ERCC5: variants seen among roughly 807,000 people sequenced by gnomAD.
ERCC5 encodes the protein DNA excision repair protein ERCC-5.
In ERCC5, 68 loss-of-function variants were observed where a neutral mutation model predicts 105.6. The observed-to-expected ratio is 0.64, with a 90% CI of 0.53 to 0.79. The LOEUF is 0.79. Among genes scored for constraint, ERCC5 ranks in the 30% least tolerant of loss-of-function variants. The pLI, the probability that ERCC5 is intolerant of heterozygous loss-of-function variation, is 0.00. For missense variants in ERCC5, 1,373 were observed against 1,426.7 expected, an observed-to-expected ratio of 0.96 and a Z score of 0.61; for synonymous variants, 546 against 526.2, an observed-to-expected ratio of 1.04 and a Z score of -0.51.
rs893791529 is a variant in ERCC5, at chr13:102,850,966, C to T, written c.89-1152C>T. On this transcript the variant is annotated intron_variant, in intron 1 of 14. Transcript: ENST00000652225. ...TCTGAGAGCAGGAAAACCAGCAGAG[C>T]GCGGTGTCACTCTTTCTTTTGGACA... Among the ~76,000 whole-genome samples the T allele has an allele frequency of 8.5e-5, 13 of 152,088 alleles. No homozygotes were observed. In the East Asian group the frequency reaches 1.2e-3, roughly 14 times the overall value.
At chr13:102,851,971 C>G in intron 1 of ERCC5, 147 bp from the exon 2 acceptor site, 2 of 882,078 alleles carry the variant, frequency 2.3e-6, no homozygotes, top group South Asian at 3.3e-5. Flanking sequence ...TAGGTAGATC[C>G]CATGAGAGCT....
intron 1 of ERCC5, 85 bp from the exon 2 acceptor site, chr13:102,852,022 GTGTTCAACGTT>G: frequency 7.5e-7 from 1 of 1,334,358 alleles, no homozygotes; most frequent in Non-Finnish European, 1.1e-6. Flanking sequence ...TAAGTATTTA[GTGTTCAACGTT>G]TGGATAATAT....
rs555153051 is a variant in ERCC5 at position 102,866,320 on chromosome 13, A to G, written c.2258A>G (p.Gln753Arg). 2 of 1,614,186 alleles carry G rather than the reference A, an allele frequency of 1.2e-6. No individual in the cohort carries two copies. The highest frequency in any genetic ancestry group is 2.2e-5 in the South Asian group (2 of 91,082). Reference sequence around the variant, plus strand: ...GCACAGCAGAATTCACTGAAAGCTCAAAAACAGCAGCAAGAACGGATCGCT... The same window carrying G: ...GCACAGCAGAATTCACTGAAAGCTCGAAAACAGCAGCAAGAACGGATCGCT... Reference protein sequence around the residue: ...LLAQQNSLKAQKQQQERIAAT... With the variant: ...LLAQQNSLKARKQQQERIAAT... Residue 753 changes from glutamine to arginine, a missense_variant, in exon 10 of 15, where the codon CAA (glutamine) becomes CGA (arginine). Physicochemically the swap from Gln to Arg is conservative, Grantham distance 43. Around this residue, in one of 3 missense-constraint regions of ERCC5, gnomAD observed 1,004 missense variants for 1,059.7 expected, o/e 0.95. Coordinates refer to ENST00000652225, the MANE Select transcript of ERCC5 (RefSeq NM_000123.4).
chr13:102,862,191 A>C lies in ERCC5; in HGVS notation c.1042A>C (p.Met348Leu). 1 of 1,614,218 alleles carries C rather than the reference A, an allele frequency of 6.2e-7. No individual in the cohort carries two copies. The highest frequency in any genetic ancestry group is 2.2e-5 in the East Asian group (1 of 44,882). ...TCCTTCTCCAAGAACTTTACTAGCT[A>C]TGCAAGCTGCCCTGCTGGGAAGTAG... ...TPPSPRTLLA[M>L]QAALLGSSSE... is the part of the protein sequence containing the mutation. The change falls in exon 8 of 15, where the codon ATG becomes CTG. Residue 348 changes from methionine to leucine, a missense_variant. Around this residue, in one of 3 missense-constraint regions of ERCC5, gnomAD observed 1,004 missense variants for 1,059.7 expected, o/e 0.95. Coordinates refer to ENST00000652225, the MANE Select transcript of ERCC5 (RefSeq NM_000123.4).
In ERCC5 at chr13:102,866,768, G is replaced by A. The variant is rs774567443; in HGVS notation, c.2456G>A (p.Arg819Gln). Reference sequence around the variant, plus strand: ...AGTGATATCTGGCTGTTTGGAGCGCGGCATGTCTATAGAAACTTTTTTAAT... The same window carrying A: ...AGTGATATCTGGCTGTTTGGAGCGCAGCATGTCTATAGAAACTTTTTTAAT... ...DDSDIWLFGA[R>Q]HVYRNFFNKN... The change falls in exon 11 of 15, where the codon CGG (arginine) becomes CAG (glutamine). Residue 819 changes from arginine to glutamine, a missense_variant. Around this residue, in one of 3 missense-constraint regions of ERCC5, gnomAD observed 1,004 missense variants for 1,059.7 expected, o/e 0.95. Coordinates refer to ENST00000652225, the MANE Select transcript of ERCC5 (RefSeq NM_000123.4). 4.3e-6 allele frequency: 7 copies of A among 1,614,102 alleles called. No homozygotes were observed. Among genetic ancestry groups the A allele is most frequent in the East Asian group, 2.2e-5 (1 of 44,890 alleles).
intron 1 of ERCC5, among the ~76,000 whole-genome samples, chr13:102,850,426 A>G (rs966991732): frequency 3.9e-5 from 6 of 152,174 alleles, no homozygotes; most frequent in Non-Finnish European, 7.3e-5. Context: ...AGGAAAGCCC[A>G]GTAGCAGGAA....
In ERCC5 at chr13:102,875,678, T is replaced by C. The variant is rs113688496; in HGVS notation, c.3336T>C (p.Asn1112=). ...ATGCTGAAAGTTCATCTTTAATGAA[T>C]GTACAAAGGAGAACAGCTGCGAAAG... ...SEDAESSSLM[N]VQRRTAAKEP... is the part of the protein sequence containing the mutation. The change falls in exon 15 of 15, where the codon AAT becomes AAC. Residue 1112 remains asparagine, a synonymous_variant. Transcript: ENST00000652225. 21 of 1,614,010 alleles carry C rather than the reference T, an allele frequency of 1.3e-5. No homozygotes were observed. Among genetic ancestry groups the C allele is most frequent in the Non-Finnish European group, 1.6e-5 (19 of 1,180,010 alleles).
Position 102,862,674 on chromosome 13 carries a change from AGACATAGT to A in ERCC5, c.1529_1536del (p.His510ArgfsTer25). 1 of 1,614,210 alleles carries A rather than the reference AGACATAGT, an allele frequency of 6.2e-7. No homozygotes were observed. Among genetic ancestry groups the A allele is most frequent in the Non-Finnish European group, 8.5e-7 (1 of 1,180,050 alleles). ...GCTGCCTCTGGAGAGTGCAGTGGTT[AGACATAGT>A]GACGCACCTGGGCTCCCGAATGGAA... On this transcript the variant is annotated frameshift_variant, in exon 8 of 15. Transcript: ENST00000652225. LOFTEE classifies it high-confidence loss of function.
At chr13:102,849,383 C>T (rs542914175) in intron 1 of ERCC5, 17 of 518,998 alleles carry the variant, frequency 3.3e-5, no homozygotes, top group Admixed American at 2.3e-4. Flanking sequence ...TTTTGTCCTG[C>T]TGCACTGGCT....
intron 4 of ERCC5, 96 bp from the exon 5 acceptor site, chr13:102,855,956 C>G (rs1382028343): frequency 5.6e-6 from 7 of 1,245,532 alleles, no homozygotes; most frequent in Non-Finnish European, 8.2e-6. Context: ...TTATTCACCA[C>G]TGTAGCCCGT....
At chr13:102,864,046 A>C (rs1039429422) in intron 8 of ERCC5, among the ~76,000 whole-genome samples, 1 of 151,778 alleles carries the variant, frequency 6.6e-6, no homozygotes, top group African/African-American at 2.4e-5. Context: ...AGATATGTTT[A>C]GGAGCAATGA....
In ERCC5 at chr13:102,862,499, T is replaced by C. The variant is rs1428544688; in HGVS notation, c.1350T>C (p.Ser450=). 1.7e-5 allele frequency: 27 copies of C among 1,613,864 alleles called. No individual in the cohort carries two copies. Among genetic ancestry groups the C allele is most frequent in the Non-Finnish European group, 2.2e-5 (26 of 1,180,022 alleles). Residue 450 remains serine, a synonymous_variant, in exon 8 of 15, where the codon AGT becomes AGC. Transcript: ENST00000652225. ...IPFTATLASS[S]VNSAEEHVAS... The stretch of plus-strand genomic sequence containing the variant: ...TTACTGCAACACTTGCGTCATCTAG[T>C]GTGAACTCTGCAGAGGAGCACGTAG...
chr13:102,848,748 G>A (rs913127871), intron 1 of ERCC5, among the ~76,000 whole-genome samples: 1 of 152,022 alleles, frequency 6.6e-6, no homozygotes. Flanking sequence ...TTTTCAGATT[G>A]TCTCATTTTT....
At chr13:102,859,033 G>C in intron 6 of ERCC5, 1 of 427,702 alleles carries the variant, frequency 2.3e-6, no homozygotes, top group Admixed American at 2.5e-5. Context: ...GGCAGGCCCA[G>C]AAAGCTAGAG....
In ERCC5 at chr13:102,862,687, C is replaced by G. The variant is rs761058709; in HGVS notation, c.1538C>G (p.Ala513Gly). 3.8e-5 allele frequency: 61 copies of G among 1,614,024 alleles called. No individual in the cohort carries two copies. Among genetic ancestry groups the G allele is most frequent in the Non-Finnish European group, 5.1e-5 (60 of 1,180,046 alleles). Residue 513 changes from alanine (A) to glycine (G), a missense_variant, in exon 8 of 15, where the codon GCA becomes GGA. By Grantham distance (60) the Ala-to-Gly change is moderately conservative. Around this residue, in one of 3 missense-constraint regions of ERCC5, gnomAD observed 1,004 missense variants for 1,059.7 expected, o/e 0.95. Transcript: ENST00000652225. ...AGTGCAGTGGTTAGACATAGTGACG[C>G]ACCTGGGCTCCCGAATGGAAGGGAA... Reference protein sequence around the residue: ...LESAVVRHSDAPGLPNGRELT... With the variant: ...LESAVVRHSDGPGLPNGRELT...
rs531903161 is a variant in ERCC5 at position 102,868,833 on chromosome 13, C to T, written c.2678+576C>T. 5.9e-5 allele frequency among the ~76,000 whole-genome samples: 9 copies of T among 152,282 alleles called. 1 individual carries two copies. Among genetic ancestry groups the T allele is most frequent in the African/African-American group, 1.2e-4 (5 of 41,546 alleles). ...CCAGAACCCAGAGTCGTGCTATACTCGGGGTACATTTATCATTTTGAAGAT... is the reference window on the plus strand; with the variant it reads ...CCAGAACCCAGAGTCGTGCTATACTTGGGGTACATTTATCATTTTGAAGAT... On this transcript the variant is annotated intron_variant, in intron 12 of 14. Transcript: ENST00000652225.
chr13:102,850,657 T>C (rs1178096194), intron 1 of ERCC5, among the ~76,000 whole-genome samples: 1 of 152,144 alleles, frequency 6.6e-6, no homozygotes, highest in Non-Finnish European at 1.5e-5. Context: ...GGCAGGGACA[T>C]TCACTGAGAT....
chr13:102,868,049 A>C, intron 11 of ERCC5, 64 bp from the exon 12 acceptor site: 1 of 1,486,920 alleles, frequency 6.7e-7, no homozygotes, highest in Non-Finnish European at 9.2e-7. Context: ...TTTATATAAT[A>C]AAATGTTTAT....
intron 12 of ERCC5, among the ~76,000 whole-genome samples, chr13:102,868,795 A>G (rs4150346): frequency 6.6e-6 from 1 of 152,220 alleles, no homozygotes; most frequent in African/African-American, 2.4e-5. Flanking sequence ...TCAGTGGTGA[A>G]GTCTTGCTCC....
Sources: gnomAD v4.1 joint callset for allele counts (sites outside exome capture counted in the v4.1 genomes callset) on GRCh38, gnomAD v4.1.1 for gene constraint, gnomAD v4.1.1 regional missense constraint, MANE v1.5 for transcripts, NCBI Gene and HGNC (gene_info 2026-07-23, HGNC 2026-07-21) for gene names.